GMDS: variants seen among roughly 807,000 people sequenced by gnomAD.
The protein encoded by GMDS is GDP-mannose 4,6 dehydratase.
Under a neutral mutation model 49.9 loss-of-function variants are expected in GMDS, and 20 were observed. The ratio of observed to expected loss-of-function variants is 0.40; its 90% CI spans 0.28 to 0.58. The LOEUF (loss-of-function observed/expected upper bound fraction) is 0.58. Ranked by LOEUF, GMDS falls within the 20% of genes least tolerant of loss-of-function variation. GMDS has a pLI of 0.42. For synonymous variants in GMDS, 177 were observed against 178.6 expected, an observed-to-expected ratio of 0.99 and a Z score of 0.07; for missense variants, 362 against 481.4, an observed-to-expected ratio of 0.75 and a Z score of 2.32.
chr6:1,717,619 C>T (rs967351005), intron 9 of GMDS: 1 of 152,116 alleles, frequency 6.6e-6, no homozygotes, highest in African/African-American at 2.4e-5. Flanking sequence ...TACTAAGGAA[C>T]AAGTAACTTT....
chr6:1,994,607 A>G (rs534985374), intron 4 of GMDS, among the ~76,000 whole-genome samples: 1 of 152,134 alleles, frequency 6.6e-6, no homozygotes, highest in African/African-American at 2.4e-5. Context: ...CAAAGCAATA[A>G]TAACATTAAA....
intron 4 of GMDS, among the ~76,000 whole-genome samples, chr6:2,006,897 C>T (rs1381635569): frequency 1.3e-5 from 2 of 152,168 alleles, no homozygotes; most frequent in African/African-American, 4.8e-5. Flanking sequence ...AATTTGCCCT[C>T]AAATGCAGAT....
intron 9 of GMDS, among the ~76,000 whole-genome samples, chr6:1,709,264 C>G (rs562632374): frequency 2.0e-5 from 3 of 152,334 alleles, no homozygotes; most frequent in African/African-American, 4.8e-5. Flanking sequence ...CTTAGAGCAG[C>G]TGTCCTTAGA....
intron 4 of GMDS, among the ~76,000 whole-genome samples, chr6:2,074,358 G>A (rs1216163401): frequency 6.6e-6 from 1 of 152,130 alleles, no homozygotes; most frequent in Non-Finnish European, 1.5e-5. Context: ...TTTTCAATGG[G>A]ATTTTTTTTA....
At chr6:1,759,072 G>A (rs553767521) in intron 7 of GMDS, among the ~76,000 whole-genome samples, 77 of 152,182 alleles carry the variant, frequency 5.1e-4, no homozygotes, top group Non-Finnish European at 8.5e-4. Flanking sequence ...ACAGGTGTGC[G>A]CCACCACGCC....
intron 7 of GMDS, among the ~76,000 whole-genome samples, chr6:1,889,483 T>G (rs962743137): frequency 5.3e-5 from 8 of 152,188 alleles, no homozygotes; most frequent in Admixed American, 4.6e-4. Context: ...CCCTGGACAG[T>G]TGGTTCACTT....
chr6:1,675,660 G>A (rs922045168), intron 9 of GMDS, among the ~76,000 whole-genome samples: 5 of 152,034 alleles, frequency 3.3e-5, no homozygotes, highest in Admixed American at 6.6e-5. Flanking sequence ...AGACCATCCT[G>A]GCTAACACAG....
intron 7 of GMDS, among the ~76,000 whole-genome samples, chr6:1,759,137 T>C (rs1768066872): frequency 6.6e-6 from 1 of 152,048 alleles, no homozygotes; most frequent in African/African-American, 2.4e-5. Flanking sequence ...CTTGAGGGAG[T>C]TACTGGTGCC....
chr6:1,796,003 C>T (rs549509928), intron 7 of GMDS, among the ~76,000 whole-genome samples: 2 of 152,164 alleles, frequency 1.3e-5, no homozygotes, highest in Non-Finnish European at 2.9e-5. Flanking sequence ...TAGCAGGATG[C>T]CTGTATCGGA....
At chr6:1,735,146 A>T (rs189222990) in intron 8 of GMDS, among the ~76,000 whole-genome samples, 80 of 152,252 alleles carry the variant, frequency 5.3e-4, no homozygotes, top group African/African-American at 1.9e-3. Flanking sequence ...GGTGTGCCAA[A>T]ACGACCAGTG....
chr6:1,913,406 A>AAAAAAAG (rs1761185190), intron 7 of GMDS, among the ~76,000 whole-genome samples: 1 of 151,054 alleles, frequency 6.6e-6, no homozygotes, highest in Non-Finnish European at 1.5e-5. Flanking sequence ...AAAAAAAAAA[A>AAAAAAAG]AAAGAAAGTT....
At chr6:2,198,085 G>GA (rs1779351937) in intron 1 of GMDS, among the ~76,000 whole-genome samples, 1 of 152,156 alleles carries the variant, frequency 6.6e-6, no homozygotes, top group African/African-American at 2.4e-5. Flanking sequence ...TACTGTGAAC[G>GA]AATGATGGGA....
chr6:1,685,484 GT>G (rs959799014), intron 9 of GMDS, among the ~76,000 whole-genome samples: 21 of 151,198 alleles, frequency 1.4e-4, no homozygotes, highest in Non-Finnish European at 2.5e-4. Flanking sequence ...TTTAGTAAGG[GT>G]TTTTTTTTAA....
intron 4 of GMDS, among the ~76,000 whole-genome samples, chr6:1,999,989 A>AT (rs1766635470): frequency 1.4e-4 from 2 of 14,760 alleles, no homozygotes; most frequent in Non-Finnish European, 3.1e-4. Context: ...TATTTTATAT[A>AT]TATATATTAT....
intron 7 of GMDS, among the ~76,000 whole-genome samples, chr6:1,809,942 T>G (rs1770344621): frequency 6.6e-6 from 1 of 152,328 alleles, no homozygotes; most frequent in African/African-American, 2.4e-5. Flanking sequence ...GGGTAGACAC[T>G]GGTATCAAGT....
chr6:2,057,628 G>A (rs1282644692), intron 4 of GMDS, among the ~76,000 whole-genome samples: 1 of 152,098 alleles, frequency 6.6e-6, no homozygotes, highest in Admixed American at 6.5e-5. Context: ...ATTTAAACTT[G>A]CCTGACTCCC....
At chr6:2,186,093 TG>T (rs1353346518) in intron 1 of GMDS, among the ~76,000 whole-genome samples, 1 of 152,236 alleles carries the variant, frequency 6.6e-6, no homozygotes, top group Non-Finnish European at 1.5e-5. Flanking sequence ...TGAACAGAGT[TG>T]CCAGGTGGTT....
At chr6:2,222,707 C>T (rs578216279) in intron 1 of GMDS, among the ~76,000 whole-genome samples, 5 of 152,222 alleles carry the variant, frequency 3.3e-5, no homozygotes, top group Admixed American at 1.3e-4. Flanking sequence ...GGTTTCCAGG[C>T]GGTCAGTAGG....
chr6:1,724,530 G>A (rs1240750562), intron 9 of GMDS, among the ~76,000 whole-genome samples: 2 of 152,178 alleles, frequency 1.3e-5, no homozygotes, highest in Non-Finnish European at 2.9e-5. Flanking sequence ...CTATTTTGGT[G>A]TCAGAGAGGG....
Sources: gnomAD v4.1 joint callset for allele counts (sites outside exome capture counted in the v4.1 genomes callset) on GRCh38, gnomAD v4.1.1 for gene constraint, MANE v1.5 for transcripts, NCBI Gene and HGNC (gene_info 2026-07-23, HGNC 2026-07-21) for gene names.